The following ANK1 variants were observed in gnomAD, a reference collection of about 807,000 sequenced individuals.
ANK1 encodes the protein ankyrin 1, also known as ankyrin-1.
In ANK1, 51 loss-of-function variants were observed where a neutral mutation model predicts 210.4. The ratio of observed to expected loss-of-function variants is 0.24; its 90% CI spans 0.19 to 0.31. The LOEUF (loss-of-function observed/expected upper bound fraction) is 0.31. Among genes scored for constraint, ANK1 ranks in the 10% least tolerant of loss-of-function variants. The pLI is 1.00. For synonymous variants in ANK1, 967 were observed against 1,025.9 expected (o/e 0.94, Z 1.10); for missense variants, 2,051 against 2,504.4 (o/e 0.82, Z 3.86).
chr8:41,666,754 G>A (rs1413420624), intron 39 of ANK1, among the ~76,000 whole-genome samples: 2 of 152,240 alleles, frequency 1.3e-5, no homozygotes, highest in Non-Finnish European at 2.9e-5. Context: ...CCCTCTGATC[G>A]GCGTCTCCAG....
chr8:41,709,516 C>T (rs1825592356), intron 16 of ANK1, among the ~76,000 whole-genome samples: 2 of 152,256 alleles, frequency 1.3e-5, no homozygotes, highest in South Asian at 4.1e-4. Context: ...TGTTCCATGA[C>T]CTAGACTTCC....
chr8:41,818,300 G>A (rs1221978536), intron 1 of ANK1, among the ~76,000 whole-genome samples: 1 of 152,198 alleles, frequency 6.6e-6, no homozygotes, highest in Non-Finnish European at 1.5e-5. Flanking sequence ...AGTTCTTCCA[G>A]AGGGTCAGGA....
At position 41,692,665 on chromosome 8, in the gene ANK1, G is replaced by T. The variant is rs764822755; in HGVS notation, c.3841C>A (p.Arg1281=). ...CCTGTTACCTCTATGTCCCTGCTCCGGGCCACCTCCACGAAGTTCTCATGC... is the reference window on the plus strand; with the variant it reads ...CCTGTTACCTCTATGTCCCTGCTCCTGGCCACCTCCACGAAGTTCTCATGC... ...EQHENFVEVA[R]SRDIEVLEGM... Residue 1281 remains arginine, a synonymous_variant, in exon 31 of 43, where the codon CGG becomes AGG. Coordinates refer to ENST00000289734, the MANE Select transcript of ANK1 (RefSeq NM_000037.4). 2 of 1,613,656 alleles carry T rather than the reference G, an allele frequency of 1.2e-6. No homozygotes were observed.
chr8:41,840,691 A>G (rs1330917267), intron 1 of ANK1, among the ~76,000 whole-genome samples: 4 of 152,070 alleles, frequency 2.6e-5, no homozygotes, highest in Non-Finnish European at 5.9e-5. Flanking sequence ...TGGCTCAATT[A>G]CCTCCCAAAG....
intron 1 of ANK1, among the ~76,000 whole-genome samples, chr8:41,767,547 C>T (rs570629441): frequency 7.9e-5 from 12 of 152,306 alleles, no homozygotes; most frequent in African/African-American, 2.9e-4. Context: ...CGCCCGCCAG[C>T]CTGCCGCTAA....
intron 2 of ANK1, among the ~76,000 whole-genome samples, chr8:41,736,562 C>A (rs1028377217): frequency 1.4e-4 from 22 of 152,186 alleles, no homozygotes; most frequent in Non-Finnish European, 1.6e-4. Flanking sequence ...CCGCTTACTG[C>A]GGGAAGCTGA....
chr8:41,734,366 G>A (rs762998665), intron 2 of ANK1, among the ~76,000 whole-genome samples: 3 of 152,208 alleles, frequency 2.0e-5, no homozygotes, highest in Non-Finnish European at 4.4e-5. Flanking sequence ...AATTCATGTC[G>A]AGGCCAGGCT....
At chr8:41,833,441 C>A (rs1807053615) in intron 1 of ANK1, among the ~76,000 whole-genome samples, 1 of 152,132 alleles carries the variant, frequency 6.6e-6, no homozygotes, top group African/African-American at 2.4e-5. Context: ...AAAAATCTGT[C>A]CAGAATTTAT....
chr8:41,896,490 C>A (rs1485976495), exon 1 of ANK1: 3 of 1,587,346 alleles, frequency 1.9e-6, no homozygotes, highest in Non-Finnish European at 2.6e-6. Flanking sequence ...TGGCGGGTCA[C>A]GGCGCTCCCG....
At chr8:41,891,266 A>G (rs1310008035) in intron 1 of ANK1, among the ~76,000 whole-genome samples, 1 of 150,930 alleles carries the variant, frequency 6.6e-6, no homozygotes. Context: ...AATAGGGAAG[A>G]AACCTCAGAT....
intron 1 of ANK1, among the ~76,000 whole-genome samples, chr8:41,759,520 A>AACAAACAAACAC (rs1839954811): frequency 6.6e-6 from 1 of 152,130 alleles, no homozygotes; most frequent in South Asian, 2.1e-4. Flanking sequence ...CAAACAAACA[A>AACAAACAAACAC]ACAAAAAAAC....
Position 41,828,691 on chromosome 8 carries a change from G to A in ANK1, c.126+67664C>T, listed in dbSNP as rs1478739520. The A allele has an allele frequency of 2.0e-5, 3 of 153,698 alleles. No individual in the cohort carries two copies. In the East Asian group the frequency reaches 5.8e-4, roughly 30 times the overall value. The allele number at this position is 153,698 out of a possible 1,614,324, so 9.5% of individuals were successfully genotyped here. On this transcript the variant is annotated intron_variant, in intron 1 of 42. Transcript: ENST00000265709. ...TTCGCACTACAATGACCGGGCTGGA[G>A]AGGGGGCGCTCGTAATGAAACAGGA...
chr8:41,844,002 G>A (rs1199352489), intron 1 of ANK1, among the ~76,000 whole-genome samples: 2 of 152,196 alleles, frequency 1.3e-5, no homozygotes, highest in Non-Finnish European at 2.9e-5. Flanking sequence ...AGCCTCCCCA[G>A]TAGCTGGGAC....
rs747138779 is a variant in ANK1 at position 41,715,713 on chromosome 8, C to T, written c.1541G>A (p.Gly514Asp). The change falls in exon 14 of 43, where the codon GGC becomes GAC. Residue 514 changes from glycine (G) to aspartate (D), a missense_variant. Around this residue, in one of 6 missense-constraint regions of ANK1, gnomAD observed 1,413 missense variants for 1,707.4 expected, o/e 0.83. Transcript: ENST00000289734. ...HTPLHIAAREGHVETVLALLE... is the reference protein window; with the variant it reads ...HTPLHIAAREDHVETVLALLE... ...AAGGGCCAGGACTGTTTCCACATGG[C>T]CCTCACGGGCTGCAATGTGCAGGGG... The T allele has an allele frequency of 2.5e-6, 4 of 1,613,964 alleles. No individual in the cohort carries two copies. Among genetic ancestry groups the T allele is most frequent in the East Asian group, 2.2e-5 (1 of 44,886 alleles).
intron 1 of ANK1, among the ~76,000 whole-genome samples, chr8:41,781,611 G>A (rs1563754362): frequency 6.6e-6 from 1 of 152,218 alleles, no homozygotes. Context: ...AGGAGGCATG[G>A]CAGAGGTGGC....
intron 12 of ANK1, 63 bp from the exon 13 acceptor site, chr8:41,717,114 G>T: frequency 6.4e-7 from 1 of 1,568,556 alleles, no homozygotes; most frequent in South Asian, 1.1e-5. Flanking sequence ...GGCACACACA[G>T]AGCTAGGAAG....
rs76596765 is a variant in ANK1, at chr8:41,847,547, C to T, written c.126+48808G>A. Among the ~76,000 whole-genome samples the T allele has an allele frequency of 4.7e-3, 709 of 152,308 alleles. 4 individuals carry two copies. The highest frequency in any genetic ancestry group is 0.027 in the East Asian group (139 of 5,186). On this transcript the variant is annotated intron_variant, in intron 1 of 42. Coordinates refer to the ANK1 transcript ENST00000265709. ...GAATTCTGTAAGCCAAGTATTGTGA[C>T]AGGAGCTATATAAGCATCACCTCAT... is the stretch of plus-strand genomic sequence containing the variant.
chr8:41,696,647 A>C (rs1227802580), intron 25 of ANK1, 29 bp downstream of exon 25: 1 of 1,607,408 alleles, frequency 6.2e-7, no homozygotes, highest in African/African-American at 1.3e-5. Context: ...TGGAGACAGG[A>C]GTCCCCGAGC....
intron 6 of ANK1, 88 bp downstream of exon 6, chr8:41,725,673 C>T (rs890224432): frequency 2.6e-6 from 4 of 1,527,042 alleles, no homozygotes; most frequent in East Asian, 4.8e-5. Flanking sequence ...CTCGGTTCTC[C>T]TGCCTGGGAA....
Sources: allele counts gnomAD v4.1 joint callset (sites outside exome capture counted in the v4.1 genomes callset), GRCh38; gene constraint gnomAD v4.1.1; regional missense constraint gnomAD v4.1.1; transcripts MANE v1.5; gene names NCBI Gene and HGNC (gene_info 2026-07-23, HGNC 2026-07-21).